SKAP1: variants seen among roughly 807,000 people sequenced by gnomAD.
SKAP1 encodes the protein src kinase-associated phosphoprotein 1.
SKAP1 carries 44 observed loss-of-function variants against 58.5 expected under a neutral mutation model. That is an observed-to-expected ratio of 0.75 (90% CI 0.59 to 0.97). The LOEUF (loss-of-function observed/expected upper bound fraction) is 0.97. Among genes scored for constraint, SKAP1 ranks in the 50% least tolerant of loss-of-function variants. The probability of loss-of-function intolerance (pLI) is 0.00; values close to 1 mark genes in which losing one functional copy is unlikely to be tolerated. For missense variants in SKAP1, 390 were observed against 435.2 expected (o/e 0.90, Z 0.92); for synonymous variants, 127 against 149.7 (o/e 0.85, Z 1.11).
At chr17:48,320,191 C>A (rs909872033) in intron 4 of SKAP1, among the ~76,000 whole-genome samples, 1 of 152,070 alleles carries the variant, frequency 6.6e-6, no homozygotes, top group African/African-American at 2.4e-5. Context: ...CCACAAATAA[C>A]AGAGTAACAA....
At chr17:48,222,412 T>C (rs2065016320) in intron 4 of SKAP1, among the ~76,000 whole-genome samples, 1 of 152,174 alleles carries the variant, frequency 6.6e-6, no homozygotes, top group South Asian at 2.1e-4. Context: ...TTGTTTGTTT[T>C]GTTTTGCTTT....
At chr17:48,190,110 ATTTT>A (rs61267385) in intron 4 of SKAP1, among the ~76,000 whole-genome samples, 1 of 141,994 alleles carries the variant, frequency 7.0e-6, no homozygotes. Flanking sequence ...AAAATTAAGA[ATTTT>A]TTTTTTTTTT....
chr17:48,189,275 A>T, intron 5 of SKAP1, 148 bp downstream of exon 5: 1 of 612,276 alleles, frequency 1.6e-6, no homozygotes, highest in Non-Finnish European at 2.8e-6. Flanking sequence ...AAAACACCAG[A>T]CTCCTTTCCT....
At position 48,417,496 on chromosome 17, in the gene SKAP1, G is replaced by A. The variant is rs1463944574; in HGVS notation, c.46+12579C>T. 2.0e-5 allele frequency among the ~76,000 whole-genome samples: 3 copies of A among 152,204 alleles called. No homozygotes were observed. The South Asian group carries it at 6.2e-4, about 31-fold the overall frequency. ...GCAGTGGCTAACGCCTGTAATCCCAGCACTTTGGGAAGCCGAGGCAGGAGG... is the reference window on the plus strand; with the variant it reads ...GCAGTGGCTAACGCCTGTAATCCCAACACTTTGGGAAGCCGAGGCAGGAGG... On this transcript the variant is annotated intron_variant, in intron 1 of 12. Transcript: ENST00000336915.
upstream of SKAP1, among the ~76,000 whole-genome samples, chr17:48,431,192 C>G (rs565273111): frequency 1.9e-4 from 29 of 152,286 alleles, no homozygotes; most frequent in Admixed American, 5.9e-4. Flanking sequence ...CACCTGTAAT[C>G]ACAGCACTTT....
intron 9 of SKAP1, among the ~76,000 whole-genome samples, chr17:48,174,331 T>C (rs1365507137): frequency 6.6e-6 from 1 of 152,214 alleles, no homozygotes; most frequent in East Asian, 1.9e-4. Flanking sequence ...CTTGGCGCTA[T>C]GCCTCTGGGG....
chr17:48,270,636 T>G (rs2938476), intron 4 of SKAP1, among the ~76,000 whole-genome samples: 1 of 151,914 alleles, frequency 6.6e-6, no homozygotes, highest in Non-Finnish European at 1.5e-5. Flanking sequence ...CCACTGCGCC[T>G]GGCCCTATTT....
intron 9 of SKAP1, among the ~76,000 whole-genome samples, chr17:48,174,280 C>T (rs745325545): frequency 3.9e-5 from 6 of 152,216 alleles, no homozygotes; most frequent in Admixed American, 3.3e-4. Flanking sequence ...TCCCAGGTGG[C>T]TGAAAGTAGG....
At chr17:48,325,205 G>A (rs1203687117) in intron 4 of SKAP1, among the ~76,000 whole-genome samples, 1 of 139,644 alleles carries the variant, frequency 7.2e-6, no homozygotes. Flanking sequence ...GCGGAGAGCA[G>A]GCCACTGCAC....
intron 11 of SKAP1, among the ~76,000 whole-genome samples, chr17:48,147,678 C>T (rs1013751973): frequency 2.6e-5 from 4 of 152,126 alleles, no homozygotes; most frequent in Admixed American, 6.5e-5. Flanking sequence ...GTGAAAGGAT[C>T]GAAGCTCAGC....
chr17:48,339,355 G>T (rs954766731), intron 4 of SKAP1, among the ~76,000 whole-genome samples: 8 of 152,126 alleles, frequency 5.3e-5, no homozygotes, highest in African/African-American at 1.9e-4. Flanking sequence ...TATGGAAAGA[G>T]ACTATATTGA....
At chr17:48,411,021 C>A (rs1039793474) in intron 1 of SKAP1, among the ~76,000 whole-genome samples, 27 of 147,266 alleles carry the variant, frequency 1.8e-4, no homozygotes, top group African/African-American at 6.8e-4. Flanking sequence ...ATTTCCACAA[C>A]AAAATAAAGT....
At chr17:48,410,591 C>T (rs1248621841) in intron 1 of SKAP1, among the ~76,000 whole-genome samples, 1 of 152,038 alleles carries the variant, frequency 6.6e-6, no homozygotes, top group Non-Finnish European at 1.5e-5. Flanking sequence ...GCTGAAAACA[C>T]ACACACACAC....
chr17:48,331,035 C>A (rs535865760), intron 4 of SKAP1, among the ~76,000 whole-genome samples: 1 of 152,126 alleles, frequency 6.6e-6, no homozygotes, highest in Non-Finnish European at 1.5e-5. Context: ...TTTATCAGTG[C>A]TGAGGCTGAT....
intron 4 of SKAP1, among the ~76,000 whole-genome samples, chr17:48,262,659 G>C (rs1261688358): frequency 2.6e-5 from 4 of 152,108 alleles, no homozygotes; most frequent in African/African-American, 4.8e-5. Flanking sequence ...CTGTTAAAAA[G>C]CCCATAAAAC....
intron 10 of SKAP1, among the ~76,000 whole-genome samples, chr17:48,168,835 A>G (rs1031900210): frequency 2.0e-5 from 3 of 152,234 alleles, no homozygotes; most frequent in Non-Finnish European, 2.9e-5. Context: ...TTACAAAACT[A>G]AATGATGACA....
At chr17:48,335,246 A>G (rs914691695) in intron 4 of SKAP1, among the ~76,000 whole-genome samples, 1 of 151,970 alleles carries the variant, frequency 6.6e-6, no homozygotes, top group Non-Finnish European at 1.5e-5. Flanking sequence ...GCATAAAGGC[A>G]ATCTACCTTA....
the SKAP1 span, among the ~76,000 whole-genome samples, chr17:48,436,628 C>T: frequency 6.6e-5 from 10 of 152,152 alleles, no homozygotes; most frequent in Non-Finnish European, 1.3e-4. Flanking sequence ...TGCCTGCTAA[C>T]ATCCTTGGTC....
chr17:48,133,996 G>A (rs922387629), intron 12 of SKAP1, among the ~76,000 whole-genome samples, 180 bp from the exon 13 acceptor site: 1 of 152,002 alleles, frequency 6.6e-6, no homozygotes, highest in African/African-American at 2.4e-5. Context: ...AAACAAATAG[G>A]TATATATAGT....
Sources: gnomAD v4.1 joint callset for allele counts (sites outside exome capture counted in the v4.1 genomes callset) on GRCh38, gnomAD v4.1.1 for gene constraint, MANE v1.5 for transcripts, NCBI Gene and HGNC (gene_info 2026-07-23, HGNC 2026-07-21) for gene names.